Variants in ENTPD3 observed in about 807,000 individuals in gnomAD.
ENTPD3 encodes the protein ectonucleoside triphosphate diphosphohydrolase 3.
ENTPD3 carries 60 observed loss-of-function variants against 51.2 expected under a neutral mutation model. The observed-to-expected ratio is 1.17, with a 90% CI of 0.95 to 1.45. The LOEUF (loss-of-function observed/expected upper bound fraction) is 1.45. ENTPD3 is among the 40% of genes most tolerant of loss of function. The probability of loss-of-function intolerance (pLI) is 0.00; values close to 1 mark genes in which losing one functional copy is unlikely to be tolerated. For missense variants in ENTPD3, 593 were observed against 641.1 expected (o/e 0.93, Z 0.81); for synonymous variants, 221 against 238.4 (o/e 0.93, Z 0.67).
chr3:40,413,546 AAAAC>A (rs537277633), intron 5 of ENTPD3, among the ~76,000 whole-genome samples: 64 of 152,330 alleles, frequency 4.2e-4, no homozygotes, highest in African/African-American at 1.3e-3. Context: ...AAACAAAAAC[AAAAC>A]AAACAAACAA....
chr3:40,424,960 C>G, intron 10 of ENTPD3: 1 of 467,104 alleles, frequency 2.1e-6, no homozygotes, highest in Non-Finnish European at 3.9e-6. Flanking sequence ...CATGTACTCT[C>G]TAAGCTTTGC....
rs542331959 is a variant in ENTPD3 at position 40,403,239 on chromosome 3, C to T, written c.286+2228C>T. ...AGGAGGGCAGCCAGGAGCTTGCCTA[C>T]CCTGATGCACAGGTGTTCCAGGTTA... On this transcript the variant is annotated intron_variant, in intron 4 of 10. Coordinates refer to ENST00000301825, the MANE Select transcript of ENTPD3 (RefSeq NM_001248.4). Among the ~76,000 whole-genome samples the T allele has an allele frequency of 3.3e-5, 5 of 152,216 alleles. No individual in the cohort carries two copies. The South Asian group carries it at 1.0e-3, about 32-fold the overall frequency.
chr3:40,420,492 G>A (rs752924400), intron 7 of ENTPD3, among the ~76,000 whole-genome samples: 1 of 151,926 alleles, frequency 6.6e-6, no homozygotes. Flanking sequence ...GCCCGCCTTG[G>A]CCTCCCAAAG....
chr3:40,412,809 G>A (rs1451970744), intron 5 of ENTPD3, among the ~76,000 whole-genome samples: 1 of 152,040 alleles, frequency 6.6e-6, no homozygotes, highest in African/African-American at 2.4e-5. Context: ...CATTAGACTG[G>A]GCCTTTTCCT....
chr3:40,394,975 C>T (rs892920663), intron 3 of ENTPD3, among the ~76,000 whole-genome samples: 16 of 152,148 alleles, frequency 1.1e-4, no homozygotes, highest in Admixed American at 4.6e-4. Flanking sequence ...CTGTGGTGCC[C>T]AAGACTTCAG....
At chr3:40,402,014 A>G (rs189784465) in intron 4 of ENTPD3, among the ~76,000 whole-genome samples, 1 of 152,162 alleles carries the variant, frequency 6.6e-6, no homozygotes, top group East Asian at 1.9e-4. Flanking sequence ...AATGGAATCA[A>G]CATATTTTAT....
chr3:40,388,793 T>C (rs1435948183), intron 2 of ENTPD3, among the ~76,000 whole-genome samples: 1 of 152,206 alleles, frequency 6.6e-6, no homozygotes, highest in African/African-American at 2.4e-5. Flanking sequence ...GAGTAAGACC[T>C]GGTCTCATCC....
intron 3 of ENTPD3, among the ~76,000 whole-genome samples, chr3:40,396,058 C>T (rs1955190894): frequency 6.6e-6 from 1 of 152,082 alleles, no homozygotes; most frequent in African/African-American, 2.4e-5. Flanking sequence ...AATCAGCAGG[C>T]AGTTCAAAGA....
intron 3 of ENTPD3, among the ~76,000 whole-genome samples, chr3:40,397,018 C>A (rs1472845198): frequency 6.6e-6 from 1 of 151,964 alleles, no homozygotes; most frequent in Admixed American, 6.6e-5. Flanking sequence ...AAATCATTCC[C>A]TTTTAACCCT....
chr3:40,392,156 T>C lies in ENTPD3; in HGVS notation c.168+6T>C, dbSNP rs2125587467. 4 of 1,613,428 alleles carry C rather than the reference T, an allele frequency of 2.5e-6. No individual in the cohort carries two copies. The highest frequency in any genetic ancestry group is 2.7e-5 in the African/African-American group (2 of 75,002). ...TCCTCCCTCCAGGACTGAAGGTAAG[T>C]GTGAAGGGACTGGCAACAAAGGGAA... On this transcript the variant is annotated splice_donor_region_variant and intron_variant, in intron 3 of 10. Transcript: ENST00000301825.
At chr3:40,426,107 C>CTTTTTTTTTTTTTT (rs35267876) in intron 10 of ENTPD3, among the ~76,000 whole-genome samples, 7 of 112,446 alleles carry the variant, frequency 6.2e-5, no homozygotes, top group Admixed American at 1.1e-4. Context: ...TTTTTCTTTT[C>CTTTTTTTTTTTTTT]TTTTTTTTTT....
intron 10 of ENTPD3, among the ~76,000 whole-genome samples, chr3:40,426,731 C>A (rs1293253867): frequency 6.6e-6 from 1 of 152,138 alleles, no homozygotes; most frequent in Admixed American, 6.5e-5. Context: ...AGACCAAGAG[C>A]CTCATTCTAG....
In ENTPD3 at chr3:40,411,805, T is replaced by C; in HGVS notation, c.287-7T>C. On this transcript the variant is annotated splice_region_variant and splice_polypyrimidine_tract_variant and intron_variant, in intron 4 of 10. Coordinates refer to ENST00000301825, the MANE Select transcript of ENTPD3 (RefSeq NM_001248.4). ...ATGCTGACAGATGCTGACTGCTTGC[T>C]TTTCAGGCTCTGGAATCTCCAGCTA... 1 of 1,572,278 alleles carries C rather than the reference T, an allele frequency of 6.4e-7. No individual in the cohort carries two copies. Among genetic ancestry groups the C allele is most frequent in the Non-Finnish European group, 8.6e-7 (1 of 1,158,916 alleles).
intron 5 of ENTPD3, among the ~76,000 whole-genome samples, chr3:40,413,649 C>T (rs551440572): frequency 6.6e-6 from 1 of 152,272 alleles, no homozygotes; most frequent in Non-Finnish European, 1.5e-5. Flanking sequence ...AAAGGCTCTG[C>T]AATTTACAGC....
At chr3:40,424,048 G>C in intron 10 of ENTPD3, 85 bp downstream of exon 10, 1 of 1,585,946 alleles carries the variant, frequency 6.3e-7, no homozygotes, top group Admixed American at 1.7e-5. Flanking sequence ...GAAGGTAAAA[G>C]GGTATTAATG....
At chr3:40,426,447 T>G (rs956078457) in intron 10 of ENTPD3, among the ~76,000 whole-genome samples, 1 of 151,944 alleles carries the variant, frequency 6.6e-6, no homozygotes, top group Non-Finnish European at 1.5e-5. Context: ...AAAATATATA[T>G]AGAAAAATAG....
intron 7 of ENTPD3, among the ~76,000 whole-genome samples, chr3:40,420,610 A>C (rs911388283): frequency 6.6e-6 from 1 of 152,024 alleles, no homozygotes; most frequent in African/African-American, 2.4e-5. Flanking sequence ...TATATGTAAC[A>C]ATTTTTGAAA....
In ENTPD3 at chr3:40,387,222, C is replaced by A. The variant is rs1954959326; in HGVS notation, c.-52C>A. On this transcript the variant is annotated 5_prime_UTR_variant, in exon 1 of 11. Transcript: ENST00000301825. ...TAGCGCTGGCCGCGGGCCGCCTCTG[C>A]GGCAGCGCTAGTCGCCTTCTCCGAA... 2 of 152,316 alleles carry A rather than the reference C, an allele frequency of 1.3e-5. No homozygotes were observed. The highest frequency in any genetic ancestry group is 4.1e-4 in the South Asian group (2 of 4,826). 9.4% of individuals were successfully genotyped at this position (152,316 alleles called of 1,614,324 possible).
Position 40,400,874 on chromosome 3 carries a change from C to G in ENTPD3, c.169-20C>G, listed in dbSNP as rs6808095. On this transcript the variant is annotated intron_variant, in intron 3 of 10. Coordinates refer to ENST00000301825, the MANE Select transcript of ENTPD3 (RefSeq NM_001248.4). Reference sequence around the variant, plus strand: ...GAGGAGTCCCGCCCATTCTGACTCTCCCTTTCCCTTTTTATTCAGTATGGT... The same window carrying G: ...GAGGAGTCCCGCCCATTCTGACTCTGCCTTTCCCTTTTTATTCAGTATGGT... The G allele has an allele frequency of 0.024, 38,832 of 1,597,854 alleles. 2,211 individuals are homozygous for G. The highest frequency in any genetic ancestry group is 0.19 in the African/African-American group (14,272 of 74,586).
Sources: gnomAD v4.1 joint callset for allele counts (sites outside exome capture counted in the v4.1 genomes callset) on GRCh38, gnomAD v4.1.1 for gene constraint, MANE v1.5 for transcripts, NCBI Gene and HGNC (gene_info 2026-07-23, HGNC 2026-07-21) for gene names.